The following DAB1 variants were observed in gnomAD, a reference collection of about 807,000 sequenced individuals.
DAB1 encodes DAB adaptor protein 1.
DAB1 carries 15 observed loss-of-function variants against 64.6 expected under a neutral mutation model. That is an observed-to-expected ratio of 0.23 (90% CI 0.16 to 0.36). The LOEUF is 0.36. DAB1 is among the 10% of genes least tolerant of loss of function. DAB1 has a pLI of 1.00. For missense variants in DAB1, 596 were observed against 706.7 expected (o/e 0.84, Z 1.78); for synonymous variants, 235 against 251.9 (o/e 0.93, Z 0.64).
chr1:58,098,790 A>T lies in DAB1; in HGVS notation n.387+51721T>A, dbSNP rs144305799. Among the ~76,000 whole-genome samples, 1,015 of 152,332 alleles carry T rather than the reference A, an allele frequency of 6.7e-3. 15 individuals are homozygous for T. The highest frequency in any genetic ancestry group is 0.021 in the African/African-American group (890 of 41,562). ...GAAGGTGGCAATCTATAAGTCAAGG[A>T]AGGAGAGGCCTTAGAAGAAGTCAGC... On this transcript the variant is annotated intron_variant and non_coding_transcript_variant, in intron 5 of 20. Transcript: ENST00000485760.
chr1:58,510,460 G>C (rs1646055874), intron 2 of DAB1, among the ~76,000 whole-genome samples: 1 of 151,704 alleles, frequency 6.6e-6, no homozygotes, highest in South Asian at 2.1e-4. Context: ...ACTAGAAATA[G>C]AAAAAAATTA....
intron 5 of DAB1, among the ~76,000 whole-genome samples, chr1:58,002,583 C>A (rs1032524509): frequency 9.2e-5 from 14 of 152,034 alleles, no homozygotes; most frequent in African/African-American, 3.1e-4. Context: ...ACTTCTGAGT[C>A]ATTTTCTATA....
intron 1 of DAB1, among the ~76,000 whole-genome samples, chr1:57,412,301 A>T (rs1684174597): frequency 6.6e-6 from 1 of 152,212 alleles, no homozygotes; most frequent in Non-Finnish European, 1.5e-5. Context: ...AATGGCTTCT[A>T]TGTGTTCAAG....
intron 1 of DAB1, among the ~76,000 whole-genome samples, chr1:57,345,648 A>C (rs1462705714): frequency 6.6e-6 from 1 of 152,232 alleles, no homozygotes; most frequent in East Asian, 1.9e-4. Context: ...AGATTTAATA[A>C]AAGCATTTTA....
chr1:57,898,658 C>T (rs1014681162), intron 5 of DAB1, among the ~76,000 whole-genome samples: 2 of 152,332 alleles, frequency 1.3e-5, no homozygotes, highest in Non-Finnish European at 2.9e-5. Flanking sequence ...AACCCCAGCA[C>T]ACCGCTTCTC....
At chr1:57,380,157 C>G (rs141633787) in intron 1 of DAB1, among the ~76,000 whole-genome samples, 1 of 152,154 alleles carries the variant, frequency 6.6e-6, no homozygotes, top group East Asian at 1.9e-4. Context: ...CAACAACCCT[C>G]TGAAGTAGGT....
In DAB1 at chr1:58,251,781, G is replaced by A. The variant is rs549571561; in HGVS notation, n.309+91571C>T. ...TTAGAGATGTAACTGTTACAGGATT[G>A]GAAAGAGTGTGATTTTTATTTGTAA... is the stretch of plus-strand genomic sequence containing the variant. On this transcript the variant is annotated intron_variant and non_coding_transcript_variant, in intron 4 of 20. Coordinates refer to the DAB1 transcript ENST00000485760. Among the ~76,000 whole-genome samples, 4 of 152,272 alleles carry A rather than the reference G, an allele frequency of 2.6e-5. No individual in the cohort carries two copies. In the South Asian group the frequency reaches 6.2e-4, roughly 24 times the overall value.
chr1:58,538,651 G>C lies in DAB1; in HGVS notation n.32+8052C>G, dbSNP rs549204629. On this transcript the variant is annotated intron_variant and non_coding_transcript_variant, in intron 1 of 20. Coordinates refer to the DAB1 transcript ENST00000485760. ...TAGAAACTTCACTTTGAGCTAAATGGGGGGAGACAGGGGATCTGGCAAGGT... is the reference window on the plus strand; with the variant it reads ...TAGAAACTTCACTTTGAGCTAAATGCGGGGAGACAGGGGATCTGGCAAGGT... 39 of 491,560 alleles carry C rather than the reference G, an allele frequency of 7.9e-5. 1 individual carries two copies. The East Asian group carries it at 9.0e-4, about 11-fold the overall frequency. 30.4% of individuals were successfully genotyped at this position (491,560 alleles called of 1,614,324 possible).
At chr1:58,300,617 A>AAAGAAAGAAAGAAG (rs1318663539) in intron 4 of DAB1, among the ~76,000 whole-genome samples, 2 of 36,634 alleles carry the variant, frequency 5.5e-5, no homozygotes, top group African/African-American at 1.8e-4. Flanking sequence ...AGAAAGAGAG[A>AAAGAAAGAAAGAAG]GAGAGAGAGA....
intron 5 of DAB1, among the ~76,000 whole-genome samples, chr1:57,947,981 T>C (rs552753186): frequency 1.2e-4 from 18 of 152,318 alleles, no homozygotes; most frequent in Middle Eastern, 3.4e-3. Context: ...CATTACACTT[T>C]GGGCTCAAGA....
chr1:57,647,786 A>G (rs1294841974), intron 7 of DAB1, among the ~76,000 whole-genome samples: 2 of 152,202 alleles, frequency 1.3e-5, no homozygotes, highest in Non-Finnish European at 2.9e-5. Flanking sequence ...TTTATAAATC[A>G]TCCAACAGAG....
At chr1:57,043,039 G>T (rs1030172844) in intron 9 of DAB1, among the ~76,000 whole-genome samples, 8 of 152,126 alleles carry the variant, frequency 5.3e-5, no homozygotes, top group African/African-American at 1.9e-4. Flanking sequence ...TAAGAACAGG[G>T]ATATGATGCC....
intron 7 of DAB1, among the ~76,000 whole-genome samples, chr1:57,551,260 G>A (rs186917945): frequency 7.9e-4 from 121 of 152,296 alleles, no homozygotes; most frequent in Non-Finnish European, 1.4e-3. Flanking sequence ...CATAAGGATT[G>A]TAGGGAACAT....
chr1:57,176,953 A>G (rs1662383507), intron 2 of DAB1, among the ~76,000 whole-genome samples: 1 of 148,142 alleles, frequency 6.8e-6, no homozygotes, highest in Non-Finnish European at 1.5e-5. Flanking sequence ...CAGATAAAAA[A>G]AAGAAGCAGC....
At chr1:58,343,875 G>A (rs1284518993) in intron 3 of DAB1, among the ~76,000 whole-genome samples, 3 of 152,178 alleles carry the variant, frequency 2.0e-5, no homozygotes, top group Non-Finnish European at 4.4e-5. Context: ...AATAGGAGAG[G>A]AGAAACATTG....
chr1:58,037,357 G>A (rs994043489), intron 5 of DAB1, among the ~76,000 whole-genome samples: 2 of 152,060 alleles, frequency 1.3e-5, no homozygotes, highest in Non-Finnish European at 2.9e-5. Flanking sequence ...CTTCCCTTAC[G>A]GCAGGGGTCC....
At chr1:57,773,710 T>C (rs1046893585) in intron 6 of DAB1, among the ~76,000 whole-genome samples, 12 of 152,006 alleles carry the variant, frequency 7.9e-5, no homozygotes, top group African/African-American at 2.9e-4. Flanking sequence ...CTAGTACTTT[T>C]CTTTTTCATA....
chr1:57,395,227 T>C (rs937665153), intron 1 of DAB1, among the ~76,000 whole-genome samples: 1 of 152,180 alleles, frequency 6.6e-6, no homozygotes, highest in Admixed American at 6.5e-5. Context: ...GGTTTCGCCA[T>C]GTTGGCCAGG....
At chr1:57,311,357 G>T (rs1329140160) in intron 1 of DAB1, among the ~76,000 whole-genome samples, 4 of 152,068 alleles carry the variant, frequency 2.6e-5, no homozygotes. Context: ...GATAAGTTTG[G>T]ATTCCTGAAG....
Sources: gnomAD v4.1 joint callset for allele counts (sites outside exome capture counted in the v4.1 genomes callset) on GRCh38, gnomAD v4.1.1 for gene constraint, MANE v1.5 for transcripts, NCBI Gene and HGNC (gene_info 2026-07-23, HGNC 2026-07-21) for gene names.